Variants in CR1L observed in about 807,000 individuals in gnomAD.
CR1L encodes complement component receptor 1-like protein.
Under a neutral mutation model 62.3 loss-of-function variants are expected in CR1L, and 59 were observed. The observed-to-expected ratio is 0.95, with a 90% CI of 0.77 to 1.18. CR1L has a LOEUF of 1.18. CR1L is among the 50% of genes most tolerant of loss of function. The pLI, the probability that CR1L is intolerant of heterozygous loss-of-function variation, is 0.00. For missense variants in CR1L, 700 were observed against 702.8 expected (o/e 1.00, Z 0.04); for synonymous variants, 279 against 248.7 (o/e 1.12, Z -1.15).
chr1:207,703,782 C>G (rs1190902744), intron 9 of CR1L, among the ~76,000 whole-genome samples: 2 of 152,138 alleles, frequency 1.3e-5, no homozygotes, highest in Non-Finnish European at 2.9e-5. Flanking sequence ...TAGTGAAACC[C>G]CGTCTCTATT....
intron 4 of CR1L, among the ~76,000 whole-genome samples, chr1:207,690,361 T>A (rs1398175208): frequency 6.6e-6 from 1 of 152,238 alleles, no homozygotes; most frequent in Non-Finnish European, 1.5e-5. Context: ...AGGGCATTGC[T>A]TAATTTCTAA....
At chr1:207,688,532 C>T (rs908215052) in intron 4 of CR1L, among the ~76,000 whole-genome samples, 1 of 152,196 alleles carries the variant, frequency 6.6e-6, no homozygotes, top group Non-Finnish European at 1.5e-5. Flanking sequence ...TAACTATGTG[C>T]ATCTTCAAGA....
At chr1:207,656,217 G>A (rs1189996124) in intron 1 of CR1L, among the ~76,000 whole-genome samples, 1 of 151,946 alleles carries the variant, frequency 6.6e-6, no homozygotes, top group Non-Finnish European at 1.5e-5. Context: ...CAGCCTGGGC[G>A]ACAGAGCGAG....
At chr1:207,710,851 G>C (rs1009566190) in intron 10 of CR1L, 1 of 1,397,462 alleles carries the variant, frequency 7.2e-7, no homozygotes, top group Non-Finnish European at 1.0e-6. Context: ...CAGGAGATGA[G>C]TATTTGTTTA....
chr1:207,681,482 A>T (rs11118345), intron 3 of CR1L, among the ~76,000 whole-genome samples: 55,408 of 152,118 alleles, frequency 0.36, 10,252 homozygotes, highest in Non-Finnish European at 0.4. Flanking sequence ...TGAATGAGAA[A>T]AGTTCAAACC....
At chr1:207,663,555 AC>A (rs751724666) in intron 1 of CR1L, among the ~76,000 whole-genome samples, 5 of 152,172 alleles carry the variant, frequency 3.3e-5, no homozygotes, top group Non-Finnish European at 5.9e-5. Context: ...CCTTTCTTTG[AC>A]TAGGAAAGGG....
At chr1:207,679,153 ATTTTTTTTTTTTT>A (rs34703217) in intron 3 of CR1L, among the ~76,000 whole-genome samples, 160 of 90,290 alleles carry the variant, frequency 1.8e-3, no homozygotes, top group South Asian at 6.8e-3. Flanking sequence ...GCCCACCACC[ATTTTTTTTTTTTT>A]TTTTTTTTTT....
chr1:207,671,564 G>GA (rs1174624017), intron 1 of CR1L, among the ~76,000 whole-genome samples: 2 of 150,924 alleles, frequency 1.3e-5, no homozygotes, highest in Admixed American at 6.6e-5. Context: ...TGAAAAAAGT[G>GA]AAAAAAAGAA....
intron 9 of CR1L, among the ~76,000 whole-genome samples, chr1:207,707,785 T>TACACACACACAC (rs10523807): frequency 0.16 from 20,180 of 125,176 alleles, 1,749 homozygotes; most frequent in African/African-American, 0.19. Context: ...GGCATAGTAT[T>TACACACACACAC]ACACACACAC....
chr1:207,720,438 G>A (rs953437178), intron 11 of CR1L, among the ~76,000 whole-genome samples: 8 of 152,248 alleles, frequency 5.3e-5, no homozygotes, highest in African/African-American at 1.9e-4. Context: ...AACCTGGGGC[G>A]GTGGTCCAGG....
rs1663577402 is a variant in CR1L, at chr1:207,669,568, G to A, written c.98-7821G>A. 3.9e-6 allele frequency: 6 copies of A among 1,525,742 alleles called. No individual in the cohort carries two copies. In the African/African-American group the frequency reaches 7.1e-5, roughly 18 times the overall value. The allele number at this position is 1,525,742 out of a possible 1,614,324, so 94.5% of individuals were successfully genotyped here. On this transcript the variant is annotated intron_variant, in intron 1 of 11. Coordinates refer to ENST00000508064, the MANE Select transcript of CR1L (RefSeq NM_175710.2). ...GCTCGCGCTGCCGGTGGCCTGGGGTGAAACGCTGGGGGGCGTGGGGAGGCG... is the reference window on the plus strand; with the variant it reads ...GCTCGCGCTGCCGGTGGCCTGGGGTAAAACGCTGGGGGGCGTGGGGAGGCG...
chr1:207,656,611 T>G lies in CR1L; in HGVS notation c.97+11281T>G, dbSNP rs531500761. On this transcript the variant is annotated intron_variant, in intron 1 of 11. Coordinates refer to ENST00000508064, the MANE Select transcript of CR1L (RefSeq NM_175710.2). ...CATCTGCTGGGGGTTTGGGGAGGCC[T>G]CAGGAAACAACAACCATTGGGAAAG... 1.8e-4 allele frequency among the ~76,000 whole-genome samples: 28 copies of G among 152,184 alleles called. No individual in the cohort carries two copies. The South Asian group carries it at 5.8e-3, about 32-fold the overall frequency.
intron 1 of CR1L, among the ~76,000 whole-genome samples, chr1:207,658,056 G>A (rs1485821093): frequency 5.9e-5 from 9 of 152,028 alleles, no homozygotes; most frequent in Admixed American, 1.3e-4. Context: ...GTAGTCAGCC[G>A]GGAAATTAGA....
chr1:207,695,568 CA>C (rs1456935896), intron 5 of CR1L, among the ~76,000 whole-genome samples: 1 of 152,154 alleles, frequency 6.6e-6, no homozygotes, highest in Non-Finnish European at 1.5e-5. Flanking sequence ...GTCAGGAAAT[CA>C]AAACTTACTC....
intron 1 of CR1L, among the ~76,000 whole-genome samples, chr1:207,661,349 T>G (rs1410783279): frequency 2.6e-5 from 4 of 152,220 alleles, no homozygotes; most frequent in Non-Finnish European, 5.9e-5. Flanking sequence ...GCATATATAT[T>G]TAGGATAGTT....
chr1:207,659,604 A>G (rs1647686450), intron 1 of CR1L, among the ~76,000 whole-genome samples: 1 of 152,192 alleles, frequency 6.6e-6, no homozygotes, highest in Admixed American at 6.5e-5. Context: ...AAGACAGGTG[A>G]TTTCTGCATT....
At chr1:207,678,880 C>T (rs767867129) in intron 3 of CR1L, among the ~76,000 whole-genome samples, 8 of 152,244 alleles carry the variant, frequency 5.3e-5, no homozygotes, top group African/African-American at 9.6e-5. Flanking sequence ...CAGGCCTTGG[C>T]GTGTGGCAGC....
At chr1:207,670,641 G>C (rs1663595267) in intron 1 of CR1L, among the ~76,000 whole-genome samples, 1 of 150,994 alleles carries the variant, frequency 6.6e-6, no homozygotes. Flanking sequence ...CATTATTTGA[G>C]TGTTCCTTCT....
chr1:207,710,002 A>T (rs577940131), intron 10 of CR1L, among the ~76,000 whole-genome samples: 9 of 152,214 alleles, frequency 5.9e-5, no homozygotes, highest in Non-Finnish European at 1.2e-4. Flanking sequence ...ACTTCCGGTA[A>T]TTTGGGATTT....
Sources: allele counts gnomAD v4.1 joint callset (sites outside exome capture counted in the v4.1 genomes callset), GRCh38; gene constraint gnomAD v4.1.1; transcripts MANE v1.5; gene names NCBI Gene and HGNC (gene_info 2026-07-23, HGNC 2026-07-21).